Variants in MALRD1 observed in about 807,000 individuals in gnomAD.
MALRD1 encodes MAM and LDL-receptor class A domain-containing protein 1.
Under a neutral mutation model 242.1 loss-of-function variants are expected in MALRD1, and 247 were observed. That is an observed-to-expected ratio of 1.02 (90% CI 0.92 to 1.13). The LOEUF is 1.13. MALRD1 is among the 50% of genes most tolerant of loss of function. The pLI is 0.00. For missense variants in MALRD1, 2,989 were observed against 2,533.1 expected (o/e 1.18, Z -3.86); for synonymous variants, 995 against 866.6 (o/e 1.15, Z -2.60).
chr10:19,411,248 TAA>T (rs1336655281), intron 28 of MALRD1, among the ~76,000 whole-genome samples: 2 of 152,172 alleles, frequency 1.3e-5, no homozygotes, highest in East Asian at 3.8e-4. Flanking sequence ...GTCAGCTAGG[TAA>T]AGATATGAAG....
chr10:19,319,601 C>A (rs1019984449), intron 21 of MALRD1, among the ~76,000 whole-genome samples: 2 of 152,050 alleles, frequency 1.3e-5, no homozygotes, highest in African/African-American at 4.8e-5. Context: ...TTATTTATCA[C>A]AGTTCTGGAG....
At chr10:19,198,071 G>C (rs1836346646) in intron 14 of MALRD1, among the ~76,000 whole-genome samples, 1 of 152,108 alleles carries the variant, frequency 6.6e-6, no homozygotes, top group Admixed American at 6.6e-5. Context: ...CTGTCGCCCA[G>C]GCTGTAGTGC....
chr10:19,449,287 C>T (rs1428301678), intron 28 of MALRD1, among the ~76,000 whole-genome samples: 1 of 152,182 alleles, frequency 6.6e-6, no homozygotes, highest in Non-Finnish European at 1.5e-5. Context: ...AGTGATTCTC[C>T]TGCCTCAGTC....
chr10:19,476,570 C>A lies in MALRD1; in HGVS notation c.5030-14947C>A, dbSNP rs540492579. Among the ~76,000 whole-genome samples the A allele has an allele frequency of 2.4e-4, 36 of 152,242 alleles. No individual in the cohort carries two copies. The East Asian group carries it at 7.0e-3, about 30-fold the overall frequency. ...CCAGCTCTGTCCTCTTTCAGATGAA[C>A]TGCCTTGCTGGTGTGCTTACCCCAG... is the stretch of plus-strand genomic sequence containing the variant. On this transcript the variant is annotated intron_variant, in intron 29 of 39. Coordinates refer to ENST00000454679, the MANE Select transcript of MALRD1 (RefSeq NM_001142308.3).
At position 19,108,599 on chromosome 10, in the gene MALRD1, A is replaced by G. The variant is rs1255427516; in HGVS notation, c.694+4524A>G. ...CCGGCTAATTTTTTGTATTTTTTTT[A>G]GTAGAGACGGGGTTTCACCTTGTTA... On this transcript the variant is annotated intron_variant, in intron 5 of 39. Coordinates refer to ENST00000454679, the MANE Select transcript of MALRD1 (RefSeq NM_001142308.3). Among the ~76,000 whole-genome samples the G allele has an allele frequency of 3.0e-5, 2 of 66,054 alleles. 1 individual carries two copies. The highest frequency in any genetic ancestry group is 5.2e-5 in the Non-Finnish European group (2 of 38,756). The allele number at this position is 66,054 out of a possible 152,430, so 43.3% of individuals were successfully genotyped here.
chr10:19,705,210 C>A (rs1042219965), intron 38 of MALRD1, among the ~76,000 whole-genome samples: 4 of 152,166 alleles, frequency 2.6e-5, no homozygotes, highest in Non-Finnish European at 5.9e-5. Flanking sequence ...AGCCTGACAT[C>A]CCTAGATAGG....
chr10:19,283,446 G>C (rs1159998161), intron 21 of MALRD1, among the ~76,000 whole-genome samples: 1 of 152,098 alleles, frequency 6.6e-6, no homozygotes, highest in Non-Finnish European at 1.5e-5. Flanking sequence ...GAAAAGCCCT[G>C]TTAGTATATT....
rs559326634 is a variant in MALRD1 at position 19,517,423 on chromosome 10, TACAC to T, written c.5321-13767_5321-13764del. Among the ~76,000 whole-genome samples, 31 of 152,316 alleles carry T rather than the reference TACAC, an allele frequency of 2.0e-4. 2 individuals carry two copies. The East Asian group carries it at 5.6e-3, about 28-fold the overall frequency. Reference sequence around the variant, plus strand: ...AAATCTCTCAGTTTGGGTTTTAAAATACACACAAGGAGGACCTGTTAGTCCCATA... The same window carrying T: ...AAATCTCTCAGTTTGGGTTTTAAAATACAAGGAGGACCTGTTAGTCCCATA... On this transcript the variant is annotated intron_variant, in intron 31 of 39. Transcript: ENST00000454679.
intron 23 of MALRD1, among the ~76,000 whole-genome samples, chr10:19,328,684 TA>T (rs1843238258): frequency 6.6e-6 from 1 of 152,152 alleles, no homozygotes; most frequent in Admixed American, 6.6e-5. Context: ...CTTGGAATGA[TA>T]GGTGTAGTAA....
intron 11 of MALRD1, among the ~76,000 whole-genome samples, chr10:19,148,783 AAAAAAATAT>A (rs1273692077): frequency 8.4e-5 from 9 of 106,640 alleles, no homozygotes; most frequent in South Asian, 7.6e-4. Context: ...TAAAAAAAAA[AAAAAAATAT>A]ATATATATAT....
At chr10:19,185,194 T>C (rs1223229091) in intron 14 of MALRD1, among the ~76,000 whole-genome samples, 1 of 152,224 alleles carries the variant, frequency 6.6e-6, no homozygotes. Flanking sequence ...ACAGGACATA[T>C]ATAAACTATT....
At position 19,076,743 on chromosome 10, in the gene MALRD1, T is replaced by C. The variant is rs139003714; in HGVS notation, c.340+9884T>C. Among the ~76,000 whole-genome samples, 16 of 152,142 alleles carry C rather than the reference T, an allele frequency of 1.1e-4. 1 individual carries two copies. In the East Asian group the frequency reaches 3.1e-3, roughly 29 times the overall value. On this transcript the variant is annotated intron_variant, in intron 2 of 39. Transcript: ENST00000454679. ...GGGAAGAGTAAGTCTTATAATTTTG[T>C]TATTTTCTTTCAGGAGTTTTTTGTC...
intron 12 of MALRD1, among the ~76,000 whole-genome samples, chr10:19,160,935 T>A (rs1834366729): frequency 1.3e-5 from 2 of 150,142 alleles, no homozygotes; most frequent in Admixed American, 6.7e-5. Context: ...ATTGATTTTT[T>A]GAAGGGTTTT....
intron 28 of MALRD1, among the ~76,000 whole-genome samples, chr10:19,427,985 A>G (rs899802723): frequency 6.6e-6 from 1 of 152,072 alleles, no homozygotes; most frequent in Non-Finnish European, 1.5e-5. Flanking sequence ...GCATACACTA[A>G]TTTCCTGAGC....
At chr10:19,608,598 T>G (rs1838744653) in intron 35 of MALRD1, among the ~76,000 whole-genome samples, 1 of 152,084 alleles carries the variant, frequency 6.6e-6, no homozygotes, top group Non-Finnish European at 1.5e-5. Context: ...TATAAATTAA[T>G]GATAGAGATA....
chr10:19,426,559 T>C (rs954703111), intron 28 of MALRD1, among the ~76,000 whole-genome samples: 4 of 152,154 alleles, frequency 2.6e-5, no homozygotes, highest in Non-Finnish European at 5.9e-5. Context: ...CCCAGCACTT[T>C]GGGAGGTTGA....
chr10:19,472,801 G>C (rs936960970), intron 29 of MALRD1, among the ~76,000 whole-genome samples: 2 of 150,880 alleles, frequency 1.3e-5, no homozygotes, highest in Non-Finnish European at 3.0e-5. Context: ...CTAGCTAAAG[G>C]TTTATCAATT....
chr10:19,468,108 CAA>C (rs5783680), intron 29 of MALRD1, among the ~76,000 whole-genome samples: 2 of 151,524 alleles, frequency 1.3e-5, no homozygotes, highest in African/African-American at 2.4e-5. Context: ...TACTTTAAAA[CAA>C]AAAAAAAATC....
At chr10:19,217,880 G>A (rs1351176041) in intron 18 of MALRD1, among the ~76,000 whole-genome samples, 2 of 152,010 alleles carry the variant, frequency 1.3e-5, no homozygotes, top group Admixed American at 6.6e-5. Flanking sequence ...CTGAATGCAG[G>A]GACTATTTCC....
Sources: allele counts gnomAD v4.1 joint callset (sites outside exome capture counted in the v4.1 genomes callset), GRCh38; gene constraint gnomAD v4.1.1; transcripts MANE v1.5; gene names NCBI Gene and HGNC (gene_info 2026-07-23, HGNC 2026-07-21).